TSHR: variants seen among roughly 807,000 people sequenced by gnomAD.
TSHR encodes the protein thyroid stimulating hormone receptor, also known as thyrotropin receptor.
TSHR carries 51 observed loss-of-function variants against 64.1 expected under a neutral mutation model. The observed-to-expected ratio is 0.80, with a 90% CI of 0.64 to 1.01. TSHR has a LOEUF of 1.01. Ranked by LOEUF, TSHR falls within the 50% of genes least tolerant of loss-of-function variation. TSHR has a pLI of 0.00. For missense variants in TSHR, 877 were observed against 942.8 expected, an observed-to-expected ratio of 0.93 and a Z score of 0.91; for synonymous variants, 361 against 361.9, an observed-to-expected ratio of 1.00 and a Z score of 0.03.
At chr14:80,985,826 G>C (rs1395209114) in intron 1 of TSHR, among the ~76,000 whole-genome samples, 4 of 152,112 alleles carry the variant, frequency 2.6e-5, no homozygotes, top group Admixed American at 6.5e-5. Context: ...TATATACAAG[G>C]GGTATGCAAA....
chr14:81,096,547 A>G, intron 6 of TSHR, 92 bp from the exon 7 acceptor site: 1 of 1,299,732 alleles, frequency 7.7e-7, no homozygotes, highest in Non-Finnish European at 1.1e-6. Flanking sequence ...ATGTACATTT[A>G]TGACACTGAA....
intron 1 of TSHR, chr14:81,032,876 C>A: frequency 2.7e-6 from 1 of 365,548 alleles, no homozygotes; most frequent in Non-Finnish European, 5.3e-6. Flanking sequence ...AACAGCAGAA[C>A]TCACCTACAC....
At chr14:81,055,467 C>T (rs1157274371) in intron 1 of TSHR, among the ~76,000 whole-genome samples, 17 of 152,134 alleles carry the variant, frequency 1.1e-4, no homozygotes, top group Non-Finnish European at 1.5e-5. Flanking sequence ...AATGGTAGAT[C>T]CACAGACCAC....
chr14:81,130,233 C>T (rs932615967), intron 8 of TSHR, among the ~76,000 whole-genome samples: 3 of 152,160 alleles, frequency 2.0e-5, no homozygotes, highest in South Asian at 4.1e-4. Flanking sequence ...CCCTATTTAT[C>T]TGTGTCTTTT....
intron 1 of TSHR, among the ~76,000 whole-genome samples, chr14:81,044,708 A>G (rs548286861): frequency 6.6e-6 from 1 of 151,748 alleles, no homozygotes; most frequent in African/African-American, 2.4e-5. Flanking sequence ...ATACCATCTT[A>G]CACCAGTTCA....
At chr14:81,051,002 T>G (rs142599532) in intron 1 of TSHR, 2 of 152,532 alleles carry the variant, frequency 1.3e-5, no homozygotes, top group Admixed American at 1.3e-4. Flanking sequence ...TAGCATGCAA[T>G]GCTGTTTGAT....
At chr14:80,966,968 C>T (rs957280569) in intron 1 of TSHR, among the ~76,000 whole-genome samples, 18 of 152,228 alleles carry the variant, frequency 1.2e-4, no homozygotes, top group Admixed American at 3.9e-4. Flanking sequence ...GGGTTCCACA[C>T]TCATAAACGA....
chr14:81,142,492 C>T (rs1329999934), intron 9 of TSHR, among the ~76,000 whole-genome samples: 1 of 151,894 alleles, frequency 6.6e-6, no homozygotes, highest in Non-Finnish European at 1.5e-5. Flanking sequence ...AATGATGTCA[C>T]AGAAACAGGC....
chr14:81,095,702 C>A (rs1422497131), intron 6 of TSHR: 1 of 152,212 alleles, frequency 6.6e-6, no homozygotes, highest in South Asian at 2.1e-4. Flanking sequence ...TTCAGACTGG[C>A]TCCCTGAATC....
At chr14:81,032,523 C>A in intron 1 of TSHR, 1 of 392,204 alleles carries the variant, frequency 2.5e-6, no homozygotes, top group South Asian at 2.4e-5. Flanking sequence ...AATTCAAGTT[C>A]TTACCATGGA....
intron 1 of TSHR, among the ~76,000 whole-genome samples, chr14:81,015,006 G>A (rs1890112737): frequency 6.6e-6 from 1 of 152,180 alleles, no homozygotes; most frequent in Non-Finnish European, 1.5e-5. Flanking sequence ...GTCAGGGATA[G>A]AGTTCTTAGA....
intron 1 of TSHR, among the ~76,000 whole-genome samples, chr14:80,964,572 T>C (rs144272660): frequency 1.3e-3 from 198 of 152,326 alleles, no homozygotes; most frequent in African/African-American, 4.5e-3. Flanking sequence ...TAGACAAAAG[T>C]TCATGGGCCT....
At chr14:81,026,439 A>G (rs1015481139) in intron 1 of TSHR, among the ~76,000 whole-genome samples, 2 of 152,238 alleles carry the variant, frequency 1.3e-5, no homozygotes, top group African/African-American at 4.8e-5. Flanking sequence ...AGGAATTAAC[A>G]TAGGATTTAT....
At chr14:81,017,868 C>T (rs1039920102) in intron 1 of TSHR, among the ~76,000 whole-genome samples, 3 of 142,948 alleles carry the variant, frequency 2.1e-5, no homozygotes, top group Non-Finnish European at 3.0e-5. Context: ...GTCACTCTGT[C>T]GCCCAGGCTG....
intron 3 of TSHR, among the ~76,000 whole-genome samples, chr14:81,069,243 T>C (rs1160876013): frequency 2.0e-5 from 3 of 152,090 alleles, no homozygotes; most frequent in African/African-American, 7.2e-5. Context: ...ACTAAATATG[T>C]TTTCCTTGGT....
At chr14:81,001,674 C>T (rs1001899117) in intron 1 of TSHR, 7 of 515,114 alleles carry the variant, frequency 1.4e-5, no homozygotes, top group Admixed American at 5.8e-5. Flanking sequence ...GGTGGCTTTT[C>T]GTACAGGCAC....
chr14:81,124,876 T>G lies in TSHR; in HGVS notation c.693-14803T>G, dbSNP rs145149174. Among the ~76,000 whole-genome samples the G allele has an allele frequency of 3.7e-3, 556 of 152,322 alleles. 3 individuals are homozygous for G. The highest frequency in any genetic ancestry group is 0.012 in the African/African-American group (519 of 41,572). On this transcript the variant is annotated intron_variant, in intron 8 of 9. Transcript: ENST00000298171. Reference sequence around the variant, plus strand: ...TTTTTTGCCCATTTTCATTGGATTTTTGTTTTTTTATTATTCAATTGTGTT... The same window carrying G: ...TTTTTTGCCCATTTTCATTGGATTTGTGTTTTTTTATTATTCAATTGTGTT...
At chr14:81,014,280 G>A (rs1027666567) in intron 1 of TSHR, 10 of 152,170 alleles carry the variant, frequency 6.6e-5, no homozygotes, top group Non-Finnish European at 8.8e-5. Flanking sequence ...AACCAGATGA[G>A]CTGAGTTTAG....
At chr14:81,077,400 G>T (rs923557110) in intron 3 of TSHR, among the ~76,000 whole-genome samples, 2 of 152,174 alleles carry the variant, frequency 1.3e-5, no homozygotes, top group Non-Finnish European at 2.9e-5. Context: ...TAGTATATGT[G>T]TGTACACACA....
Sources: allele counts gnomAD v4.1 joint callset (sites outside exome capture counted in the v4.1 genomes callset), GRCh38; gene constraint gnomAD v4.1.1; transcripts MANE v1.5; gene names NCBI Gene and HGNC (gene_info 2026-07-23, HGNC 2026-07-21).